The following MAP4K1 variants were observed in gnomAD, a reference collection of about 807,000 sequenced individuals.
The protein encoded by MAP4K1 is MAPK/ERK kinase kinase kinase 1.
In MAP4K1, 35 loss-of-function variants were observed where a neutral mutation model predicts 122.8. The observed-to-expected ratio is 0.29, with a 90% CI of 0.22 to 0.38. The LOEUF is 0.38. Among genes scored for constraint, MAP4K1 ranks in the 10% least tolerant of loss-of-function variants. The pLI, the probability that MAP4K1 is intolerant of heterozygous loss-of-function variation, is 1.00. For missense variants in MAP4K1, 791 were observed against 1,072.6 expected, an observed-to-expected ratio of 0.74 and a Z score of 3.67; for synonymous variants, 412 against 421.3, an observed-to-expected ratio of 0.98 and a Z score of 0.27.
chr19:38,602,625 C>CGT (rs902991855), intron 19 of MAP4K1, among the ~76,000 whole-genome samples: 1 of 143,898 alleles, frequency 6.9e-6, no homozygotes, highest in Non-Finnish European at 1.5e-5. Flanking sequence ...TACACATATA[C>CGT]ATATATATAC....
At position 38,587,788 on chromosome 19, in the gene MAP4K1, T is replaced by C. The variant is rs771822823; in HGVS notation, c.2426A>G (p.Asp809Gly). 8 of 1,614,114 alleles carry C rather than the reference T, an allele frequency of 5.0e-6. No homozygotes were observed. The East Asian group carries it at 1.6e-4, about 31-fold the overall frequency. Residue 809 changes from aspartate (D) to glycine (G), a missense_variant, in exon 31 of 31, where the codon GAT (aspartate) becomes GGT (glycine). Around this residue, in one of 4 missense-constraint regions of MAP4K1, gnomAD observed 267 missense variants for 323.0 expected, o/e 0.83. Transcript: ENST00000396857. Reference sequence around the variant, plus strand: ...GAGGTTGCTGGGAGCAGTAGGATCATCCACTGGGCGTGTCTCCACCACTAC... The same window carrying C: ...GAGGTTGCTGGGAGCAGTAGGATCACCCACTGGGCGTGTCTCCACCACTAC... The part of the protein sequence containing the change: ...RPVVVETRPV[D>G]DPTAPSNLYI...
At chr19:38,608,263 G>A (rs1362725018) in intron 13 of MAP4K1, 93 bp from the exon 14 acceptor site, 4 of 571,532 alleles carry the variant, frequency 7.0e-6, no homozygotes, top group South Asian at 2.7e-5. Context: ...TTGGCGGGGG[G>A]GTTGCAGTCA....
At position 38,597,454 on chromosome 19, in the gene MAP4K1, G is replaced by A; in HGVS notation, c.1778+32C>T. 2 of 1,612,818 alleles carry A rather than the reference G, an allele frequency of 1.2e-6. No individual in the cohort carries two copies. Among genetic ancestry groups the A allele is most frequent in the Non-Finnish European group, 1.7e-6 (2 of 1,178,834 alleles). ...AGAGGGGCATGGGAGGAATTATAAG[G>A]CTGTGTGGTGCCATTCATTGGGAGC... On this transcript the variant is annotated intron_variant, in intron 23 of 30. Coordinates refer to ENST00000396857, the MANE Select transcript of MAP4K1 (RefSeq NM_001042600.3). The surrounding 1 kb of genome is among the most constrained non-coding windows in gnomAD (Gnocchi z 4.6).
intron 30 of MAP4K1, among the ~76,000 whole-genome samples, chr19:38,591,349 T>G (rs985160015): frequency 6.6e-6 from 1 of 150,952 alleles, no homozygotes; most frequent in Non-Finnish European, 1.5e-5. Context: ...ACCACCATGA[T>G]GAAAGCCCAC....
At position 38,597,658 on chromosome 19, in the gene MAP4K1, C is replaced by T; in HGVS notation, c.1670-64G>A. 2.8e-6 allele frequency: 3 copies of T among 1,073,942 alleles called. No homozygotes were observed. Among genetic ancestry groups the T allele is most frequent in the Admixed American group, 2.4e-5 (1 of 42,516 alleles). 66.5% of individuals were successfully genotyped at this position (1,073,942 alleles called of 1,614,324 possible). The stretch of plus-strand genomic sequence containing the variant: ...TAGGATCCCATATACCACTTCCTTT[C>T]CTCCATCCCTTCCCTCAGCCCCATC... On this transcript the variant is annotated intron_variant, in intron 22 of 30. Coordinates refer to ENST00000396857, the MANE Select transcript of MAP4K1 (RefSeq NM_001042600.3). The surrounding 1 kb of genome is among the most constrained non-coding windows in gnomAD (Gnocchi z 4.6).
chr19:38,613,836 C>A (rs367843351), intron 8 of MAP4K1, 44 bp downstream of exon 8: 241 of 1,506,704 alleles, frequency 1.6e-4, no homozygotes, highest in Non-Finnish European at 2.1e-4. Context: ...GGAAAAACCA[C>A]TGACCCCCAC....
In MAP4K1 at chr19:38,617,561, T is replaced by A; in HGVS notation, c.157+7A>T. 1 of 1,613,992 alleles carries A rather than the reference T, an allele frequency of 6.2e-7. No homozygotes were observed. Among genetic ancestry groups the A allele is most frequent in the Non-Finnish European group, 8.5e-7 (1 of 1,179,952 alleles). ...TGTGGGGAAGGAGCTCCATGTTCCC[T>A]CCTCACCAGGCTCCATCTTCACCAT... On this transcript the variant is annotated splice_region_variant and intron_variant, in intron 2 of 30. Coordinates refer to ENST00000396857, the MANE Select transcript of MAP4K1 (RefSeq NM_001042600.3). This position sits in a 1 kb window ranked among gnomAD's most constrained non-coding sequence, Gnocchi z 4.1.
chr19:38,598,157 A>G (rs904423705), intron 22 of MAP4K1, among the ~76,000 whole-genome samples: 1 of 151,662 alleles, frequency 6.6e-6, no homozygotes, highest in Non-Finnish European at 1.5e-5. Flanking sequence ...CAGCCTCCCA[A>G]GTAGCTGGGA....
At chr19:38,609,106 C>A (rs1245195760) in intron 13 of MAP4K1, among the ~76,000 whole-genome samples, 3 of 152,058 alleles carry the variant, frequency 2.0e-5, no homozygotes, top group Non-Finnish European at 4.4e-5. Context: ...TCCCTGGGAA[C>A]TCTATGGTCA....
At chr19:38,600,015 G>A in intron 21 of MAP4K1, 30 bp from the exon 22 acceptor site, 2 of 1,614,088 alleles carry the variant, frequency 1.2e-6, no homozygotes, top group Non-Finnish European at 8.5e-7. Flanking sequence ...TGGCTCTGGT[G>A]ACACCCCAGC....
intron 12 of MAP4K1, 91 bp downstream of exon 12, chr19:38,609,818 A>G: frequency 6.0e-6 from 8 of 1,331,920 alleles, no homozygotes; most frequent in Non-Finnish European, 8.6e-6. Flanking sequence ...TTTTCCCCCT[A>G]AGAGAGGCAG....
chr19:38,596,025 GAT>G, intron 26 of MAP4K1, 24 bp from the exon 27 acceptor site: 1 of 1,607,520 alleles, frequency 6.2e-7, no homozygotes, highest in Non-Finnish European at 8.5e-7. Context: ...GTGGGTTAAG[GAT>G]TGACCCCACC....
At chr19:38,601,382 A>C in intron 20 of MAP4K1, 59 bp downstream of exon 20, 38 of 1,465,650 alleles carry the variant, frequency 2.6e-5, no homozygotes, top group South Asian at 3.6e-5. Context: ...GCTTCTCCCC[A>C]CCCCTACTTT....
At chr19:38,599,585 C>G (rs1974999535) in intron 22 of MAP4K1, among the ~76,000 whole-genome samples, 1 of 151,974 alleles carries the variant, frequency 6.6e-6, no homozygotes, top group South Asian at 2.1e-4. Context: ...TCACTTGAAC[C>G]TGGGAGGCAG....
Position 38,608,170 on chromosome 19 carries a change from C to T in MAP4K1, c.1007G>A (p.Arg336Gln). 1 of 1,509,094 alleles carries T rather than the reference C, an allele frequency of 6.6e-7. No homozygotes were observed. Among genetic ancestry groups the T allele is most frequent in the Non-Finnish European group, 8.9e-7 (1 of 1,129,674 alleles). 93.5% of individuals were successfully genotyped at this position (1,509,094 alleles called of 1,614,324 possible). A position where few individuals can be genotyped will look rare whatever the true frequency, so the allele number is the denominator to read the frequency against. Residue 336 changes from arginine to glutamine, a missense_variant and splice_region_variant, in exon 14 of 31, where the codon CGG becomes CAG. By Grantham distance (43) the Arg-to-Gln change is conservative. Transcript: ENST00000396857. ...SLGIPDADCC[R>Q]RHMEFRKLRG... ...GAGCTTCCTGAACTCCATGTGCCGC[C>T]CTAGGGTGGGTGGGGGAAGATAACC...
chr19:38,605,235 C>T (rs910386384), intron 19 of MAP4K1, among the ~76,000 whole-genome samples, 174 bp downstream of exon 19: 4 of 152,052 alleles, frequency 2.6e-5, no homozygotes, highest in African/African-American at 9.7e-5. Context: ...GTGATATCTT[C>T]TTCACTCTGT....
chr19:38,616,156 TA>T, intron 4 of MAP4K1, 38 bp downstream of exon 4: 1 of 1,535,022 alleles, frequency 6.5e-7, no homozygotes, highest in South Asian at 1.1e-5. Context: ...GGGGTGGGGA[TA>T]GGGAGGGGTG....
At position 38,612,775 on chromosome 19, in the gene MAP4K1, G is replaced by C. The variant is rs376983877; in HGVS notation, c.534-33C>G. On this transcript the variant is annotated intron_variant, in intron 8 of 30. Transcript: ENST00000396857. ...CAGACACGCTCAGAGAGCCAGAGGT[G>C]GCATGGGGACAGGAAGGGAAGGAGG... 1.6e-5 allele frequency: 26 copies of C among 1,608,332 alleles called. No individual in the cohort carries two copies. In the African/African-American group the frequency reaches 2.5e-4, roughly 16 times the overall value.
At chr19:38,588,535 C>T (rs1974598999) in intron 30 of MAP4K1, among the ~76,000 whole-genome samples, 1 of 151,864 alleles carries the variant, frequency 6.6e-6, no homozygotes, top group Admixed American at 6.6e-5. Flanking sequence ...ACTAAAACTA[C>T]AAAAATTATC....
Sources: allele counts gnomAD v4.1 joint callset (sites outside exome capture counted in the v4.1 genomes callset), GRCh38; gene constraint gnomAD v4.1.1; regional missense constraint gnomAD v4.1.1; non-coding constraint Gnocchi (gnomAD v3.1); transcripts MANE v1.5; gene names NCBI Gene and HGNC (gene_info 2026-07-23, HGNC 2026-07-21).